EHBP1: variants seen among roughly 807,000 people sequenced by gnomAD.
EHBP1 encodes EH domain binding protein 1, also known as EH domain-binding protein 1.
In EHBP1, 55 loss-of-function variants were observed where a neutral mutation model predicts 144.0. That is an observed-to-expected ratio of 0.38 (90% CI 0.31 to 0.48). EHBP1 has a LOEUF of 0.48. EHBP1 is among the 20% of genes least tolerant of loss of function. The pLI, the probability that EHBP1 is intolerant of heterozygous loss-of-function variation, is 0.98. For missense variants in EHBP1, 1,200 were observed against 1,364.2 expected (o/e 0.88, Z 1.90); for synonymous variants, 469 against 472.7 (o/e 0.99, Z 0.10).
intron 10 of EHBP1, among the ~76,000 whole-genome samples, chr2:62,912,634 T>A (rs1419772789): frequency 6.6e-6 from 1 of 152,216 alleles, no homozygotes; most frequent in Non-Finnish European, 1.5e-5. Context: ...ACAAGTATAG[T>A]TGAATCTTCC....
rs760648248 is a variant in EHBP1, at chr2:63,045,030, C to T, written c.3278-36C>T. ...GGCGGGGGGCCGGGTGTTCGGAGGC[C>T]CTGCCGGTGGGTAACTAGCCTCCCG... On this transcript the variant is annotated intron_variant, in intron 21 of 22. Transcript: ENST00000431489. The surrounding 1 kb of genome is among the most constrained non-coding windows in gnomAD (Gnocchi z 5.7). 2.0e-5 allele frequency: 30 copies of T among 1,491,560 alleles called. No individual in the cohort carries two copies. In the African/African-American group the frequency reaches 3.8e-4, roughly 19 times the overall value. 92.4% of individuals were successfully genotyped at this position (1,491,560 alleles called of 1,614,324 possible). A position where few individuals can be genotyped will look rare whatever the true frequency, so the allele number is the denominator to read the frequency against.
intron 19 of EHBP1, among the ~76,000 whole-genome samples, chr2:63,017,773 G>A (rs891038868): frequency 1.9e-4 from 29 of 152,040 alleles, no homozygotes; most frequent in African/African-American, 6.5e-4. Context: ...TTATTATTCT[G>A]TATTACATAT....
In EHBP1 at chr2:63,040,009, G is replaced by T. The variant is rs183212513; in HGVS notation, c.3277+1193G>T. Among the ~76,000 whole-genome samples the T allele has an allele frequency of 8.9e-4, 135 of 151,932 alleles. 2 individuals are homozygous for T. Among genetic ancestry groups the T allele is most frequent in the African/African-American group, 2.9e-3 (122 of 41,506 alleles). ...AATTATTTAAGAAGTTCTGTGAAAC[G>T]TGCCATTGAAATAAAGTGCACAACT... On this transcript the variant is annotated intron_variant, in intron 21 of 22. Coordinates refer to ENST00000431489, the MANE Select transcript of EHBP1 (RefSeq NM_001142616.3).
At chr2:62,743,643 C>G (rs867564311) in intron 2 of EHBP1, among the ~76,000 whole-genome samples, 25 of 152,074 alleles carry the variant, frequency 1.6e-4, no homozygotes, top group African/African-American at 5.1e-4. Flanking sequence ...AAAGTTTCAC[C>G]TCACACATGT....
chr2:62,858,554 A>G (rs545099096), intron 7 of EHBP1: 10 of 1,309,502 alleles, frequency 7.6e-6, no homozygotes, highest in South Asian at 3.6e-5. Context: ...GATTGCCTGT[A>G]TTTACTGTGA....
chr2:62,891,467 A>G lies in EHBP1; in HGVS notation c.1185+16935A>G, dbSNP rs143637257. ...GAAGAGTCTCAAAAGCAATCATAGCACAATTGAGTTAATGGAGCAACTGGA... is the reference window on the plus strand; with the variant it reads ...GAAGAGTCTCAAAAGCAATCATAGCGCAATTGAGTTAATGGAGCAACTGGA... On this transcript the variant is annotated intron_variant, in intron 10 of 22. Transcript: ENST00000431489. Among the ~76,000 whole-genome samples, 24 of 152,268 alleles carry G rather than the reference A, an allele frequency of 1.6e-4. No homozygotes were observed. In the East Asian group the frequency reaches 4.4e-3, roughly 28 times the overall value.
chr2:62,780,707 A>G (rs2042364006), intron 5 of EHBP1, among the ~76,000 whole-genome samples: 2 of 152,216 alleles, frequency 1.3e-5, no homozygotes, highest in Non-Finnish European at 2.9e-5. Flanking sequence ...GTGTAATGCA[A>G]GAAACTCTAT....
intron 5 of EHBP1, among the ~76,000 whole-genome samples, chr2:62,789,804 C>T (rs1342393973): frequency 6.6e-6 from 1 of 152,150 alleles, no homozygotes; most frequent in African/African-American, 2.4e-5. Context: ...AAATATGAAA[C>T]CTCGTGATGC....
At chr2:62,731,177 C>A (rs1044191274) in intron 2 of EHBP1, among the ~76,000 whole-genome samples, 1 of 151,398 alleles carries the variant, frequency 6.6e-6, no homozygotes, top group Admixed American at 6.6e-5. Flanking sequence ...AAATGGTATT[C>A]CTGTTTTTAA....
chr2:63,031,542 T>G (rs2061247261), intron 19 of EHBP1, among the ~76,000 whole-genome samples: 1 of 152,204 alleles, frequency 6.6e-6, no homozygotes, highest in Non-Finnish European at 1.5e-5. Flanking sequence ...AAGATAGTCA[T>G]GCGTTACCTG....
intron 10 of EHBP1, among the ~76,000 whole-genome samples, chr2:62,879,878 A>AAAC (rs968495590): frequency 6.6e-6 from 1 of 152,146 alleles, no homozygotes; most frequent in South Asian, 2.1e-4. Flanking sequence ...TCATATGGAA[A>AAAC]AACAACAACA....
At chr2:62,984,419 T>C (rs143741286) in intron 15 of EHBP1, among the ~76,000 whole-genome samples, 5 of 152,348 alleles carry the variant, frequency 3.3e-5, no homozygotes, top group Admixed American at 2.6e-4. Context: ...ACACAGTACA[T>C]AGCATACTTG....
chr2:62,734,821 T>A (rs996273008), intron 2 of EHBP1, among the ~76,000 whole-genome samples: 2 of 152,210 alleles, frequency 1.3e-5, no homozygotes, highest in African/African-American at 4.8e-5. Flanking sequence ...CTTGAACTCC[T>A]GGGTTTAAAC....
Position 62,990,742 on chromosome 2 carries a change from A to C in EHBP1, c.2635A>C (p.Lys879Gln). The stretch of plus-strand genomic sequence containing the variant: ...ACAAAACAGTAAGTTGGTGGACTTG[A>C]AGCTGAAGAAGCTCCTAGAAGTTCA... ...GEQNSKLVDL[K>Q]LKKLLEVQPQ... Residue 879 changes from lysine (K) to glutamine (Q), a missense_variant, in exon 16 of 23, where the codon AAG (lysine) becomes CAG (glutamine). This residue lies in a region of EHBP1 where 543 missense variants were observed against 513.1 expected (regional missense o/e 1.06). Coordinates refer to ENST00000431489, the MANE Select transcript of EHBP1 (RefSeq NM_001142616.3). 6.2e-7 allele frequency: 1 copy of C among 1,613,840 alleles called. No homozygotes were observed. Among genetic ancestry groups the C allele is most frequent in the Non-Finnish European group, 8.5e-7 (1 of 1,179,822 alleles).
At chr2:63,039,257 A>G (rs746738085) in intron 21 of EHBP1, among the ~76,000 whole-genome samples, 1 of 152,156 alleles carries the variant, frequency 6.6e-6, no homozygotes, top group Non-Finnish European at 1.5e-5. Flanking sequence ...ACAGTTCTTA[A>G]GATTCCAACT....
At chr2:62,827,489 A>G in intron 6 of EHBP1, among the ~76,000 whole-genome samples, 1 of 152,272 alleles carries the variant, frequency 6.6e-6, no homozygotes, top group Admixed American at 6.5e-5. Flanking sequence ...ATTCACGGGA[A>G]TCTGGGTGAG....
chr2:62,970,674 C>T (rs2058458203), intron 14 of EHBP1, among the ~76,000 whole-genome samples: 1 of 152,122 alleles, frequency 6.6e-6, no homozygotes, highest in Admixed American at 6.6e-5. Flanking sequence ...AAGGACCCCC[C>T]ATGGCAGCCA....
At chr2:62,958,229 C>T (rs772870915) in intron 14 of EHBP1, among the ~76,000 whole-genome samples, 40 of 152,088 alleles carry the variant, frequency 2.6e-4, no homozygotes, top group Non-Finnish European at 1.0e-4. Context: ...ACCAAAAAAA[C>T]TAAAAACACA....
At chr2:62,820,523 A>T (rs901831494) in intron 5 of EHBP1, among the ~76,000 whole-genome samples, 1 of 151,166 alleles carries the variant, frequency 6.6e-6, no homozygotes, top group Non-Finnish European at 1.5e-5. Flanking sequence ...CTCCCCATTC[A>T]ACCCTTTCCC....
Sources: gnomAD v4.1 joint callset for allele counts (sites outside exome capture counted in the v4.1 genomes callset) on GRCh38, gnomAD v4.1.1 for gene constraint, gnomAD v4.1.1 regional missense constraint, Gnocchi (gnomAD v3.1) non-coding constraint, MANE v1.5 for transcripts, NCBI Gene and HGNC (gene_info 2026-07-23, HGNC 2026-07-21) for gene names.